The following NBEAL1 variants were observed in gnomAD, a reference collection of about 807,000 sequenced individuals.
The protein encoded by NBEAL1 is neurobeachin-like protein 1.
In NBEAL1, 273 loss-of-function variants were observed where a neutral mutation model predicts 351.3. The ratio of observed to expected loss-of-function variants is 0.78; its 90% CI spans 0.70 to 0.86. The LOEUF (loss-of-function observed/expected upper bound fraction) is 0.86, where lower values mean the gene tolerates loss of function less well. NBEAL1 is among the 40% of genes least tolerant of loss of function. The pLI, the probability that NBEAL1 is intolerant of heterozygous loss-of-function variation, is 0.00. For missense variants in NBEAL1, 2,961 were observed against 3,201.3 expected, an observed-to-expected ratio of 0.92 and a Z score of 1.81; for synonymous variants, 1,050 against 1,086.4, an observed-to-expected ratio of 0.97 and a Z score of 0.66.
chr2:203,110,419 TC>T, intron 15 of NBEAL1, 137 bp downstream of exon 15: 1 of 869,802 alleles, frequency 1.1e-6, no homozygotes, highest in Non-Finnish European at 1.7e-6. Flanking sequence ...CTGTACGTAA[TC>T]CCAGCACTTT....
intron 42 of NBEAL1, among the ~76,000 whole-genome samples, chr2:203,177,472 C>T (rs528731542): frequency 6.6e-6 from 1 of 151,760 alleles, no homozygotes; most frequent in African/African-American, 2.4e-5. Context: ...ATAAACATTT[C>T]TTCAAAGGAG....
At chr2:203,110,031 T>C in intron 14 of NBEAL1, 119 bp from the exon 15 acceptor site, 2 of 996,350 alleles carry the variant, frequency 2.0e-6, no homozygotes, top group Non-Finnish European at 1.4e-6. Context: ...GGCAATAGAA[T>C]TTAAGCCACA....
chr2:203,074,398 GCTCACTGCAGCCTCCGC>G (rs894183707), intron 7 of NBEAL1, among the ~76,000 whole-genome samples: 2 of 145,748 alleles, frequency 1.4e-5, no homozygotes, highest in Admixed American at 7.1e-5. Flanking sequence ...CACGATCTTG[GCTCACTGCAGCCTCCGC>G]CTCCCGGGTT....
intron 23 of NBEAL1, among the ~76,000 whole-genome samples, chr2:203,127,316 TAACTC>T (rs1373886005): frequency 2.0e-5 from 3 of 152,256 alleles, no homozygotes; most frequent in Admixed American, 2.0e-4. Flanking sequence ...CTGAAACTCT[TAACTC>T]AGAAGATTTT....
In NBEAL1 at chr2:203,152,995, G is replaced by A. The variant is rs1390157090; in HGVS notation, c.5587+1406G>A. Among the ~76,000 whole-genome samples, 5 of 151,930 alleles carry A rather than the reference G, an allele frequency of 3.3e-5. No individual in the cohort carries two copies. The East Asian group carries it at 5.8e-4, about 18-fold the overall frequency. ...AGAGGTGGCAGTGAGCTGATATCGC[G>A]TCTTTGCACTCCAGCCTGGGTGACA... On this transcript the variant is annotated intron_variant, in intron 35 of 55. Transcript: ENST00000683969.
At position 203,126,884 on chromosome 2, in the gene NBEAL1, A is replaced by G; in HGVS notation, c.3206A>G (p.Tyr1069Cys). 6.4e-7 allele frequency: 1 copy of G among 1,552,942 alleles called. No individual in the cohort carries two copies. Among genetic ancestry groups the G allele is most frequent in the Non-Finnish European group, 8.7e-7 (1 of 1,147,126 alleles). ...AGCAGGAGAGTTTTCCGAAAGAAGTATGGTGTGCAGTTTCTCCTAGATACA... is the reference window on the plus strand; with the variant it reads ...AGCAGGAGAGTTTTCCGAAAGAAGTGTGGTGTGCAGTTTCTCCTAGATACA... ...KDSRRVFRKK[Y>C]GVQFLLDTLR... The change falls in exon 23 of 56, where the codon TAT becomes TGT. Residue 1069 changes from tyrosine to cysteine, a missense_variant. Transcript: ENST00000683969.
intron 36 of NBEAL1, among the ~76,000 whole-genome samples, chr2:203,158,853 T>C: frequency 7.6e-6 from 1 of 131,258 alleles, no homozygotes; most frequent in South Asian, 2.8e-4. Flanking sequence ...AGGATCTCGC[T>C]GTGTCACCTC....
chr2:203,206,771 A>G (rs1455475553), intron 51 of NBEAL1, among the ~76,000 whole-genome samples: 1 of 151,672 alleles, frequency 6.6e-6, no homozygotes, highest in Non-Finnish European at 1.5e-5. Flanking sequence ...GCTCGGTACA[A>G]CATCCACCTC....
Position 203,016,177 on chromosome 2 carries a change from C to A in NBEAL1, c.-208C>A. ...ACAGATTTATTTAATTGCCCAACTACCACTGATGAAGATATATTGGAGTGA... is the reference window on the plus strand; with the variant it reads ...ACAGATTTATTTAATTGCCCAACTAACACTGATGAAGATATATTGGAGTGA... On this transcript the variant is annotated 5_prime_UTR_variant, in exon 2 of 56. Coordinates refer to ENST00000683969, the MANE Select transcript of NBEAL1 (RefSeq NM_001378026.1). 1 of 374,796 alleles carries A rather than the reference C, an allele frequency of 2.7e-6. No homozygotes were observed. Among genetic ancestry groups the A allele is most frequent in the African/African-American group, 2.1e-5 (1 of 48,166 alleles). The allele number at this position is 374,796 out of a possible 1,614,324, so 23.2% of individuals were successfully genotyped here.
At chr2:203,152,257 C>A (rs2063675482) in intron 35 of NBEAL1, among the ~76,000 whole-genome samples, 1 of 151,136 alleles carries the variant, frequency 6.6e-6, no homozygotes, top group Non-Finnish European at 1.5e-5. Context: ...CGCACCCAGC[C>A]ATAATTCTTA....
chr2:203,068,213 AT>A (rs1262425140), intron 6 of NBEAL1, among the ~76,000 whole-genome samples, 179 bp from the exon 7 acceptor site: 13 of 152,302 alleles, frequency 8.5e-5, no homozygotes, highest in African/African-American at 2.6e-4. Context: ...AAATCTGTTA[AT>A]TGATGAACAG....
rs1447580713 is a variant in NBEAL1, at chr2:203,222,736, C to T, written c.*5382C>T. 1.3e-5 allele frequency among the ~76,000 whole-genome samples: 2 copies of T among 151,040 alleles called. No individual in the cohort carries two copies. The highest frequency in any genetic ancestry group is 3.0e-5 in the Non-Finnish European group (2 of 67,476). ...AGAAGAAAAAAACATGACTAACATG[C>T]TAAATTTAAAACATAAAAGTAGATC... On this transcript the variant is annotated 3_prime_UTR_variant, in exon 56 of 56. Transcript: ENST00000683969.
intron 7 of NBEAL1, 109 bp downstream of exon 7, chr2:203,068,584 A>G: frequency 1.7e-6 from 1 of 582,896 alleles, no homozygotes; most frequent in South Asian, 3.6e-5. Context: ...TTATAAAATA[A>G]TGGTTGTAAG....
intron 36 of NBEAL1, among the ~76,000 whole-genome samples, chr2:203,159,298 A>C (rs1285221144): frequency 6.6e-6 from 1 of 152,152 alleles, no homozygotes; most frequent in African/African-American, 2.4e-5. Flanking sequence ...TTGTGCAACC[A>C]TCCCTACTAT....
rs2062606315 is a variant in NBEAL1, at chr2:203,112,960, T to A, written c.2203-55T>A. On this transcript the variant is annotated intron_variant, in intron 16 of 55. Transcript: ENST00000683969. ...ACTATTTTATTGTGTAATTTTATGT[T>A]AAATATGAGGATATATGTTAATTAA... 6 of 1,334,056 alleles carry A rather than the reference T, an allele frequency of 4.5e-6. No individual in the cohort carries two copies. In the Middle Eastern group the frequency reaches 5.7e-4, roughly 127 times the overall value. 82.6% of individuals were successfully genotyped at this position (1,334,056 alleles called of 1,614,324 possible).
At chr2:203,190,681 G>T in intron 46 of NBEAL1, 3 of 216,388 alleles carry the variant, frequency 1.4e-5, no homozygotes, top group Non-Finnish European at 1.5e-5. Flanking sequence ...CCAGTCTTAA[G>T]AATCAAATTG....
Position 203,208,743 on chromosome 2 carries a change from C to A in NBEAL1, c.7613C>A (p.Ser2538Ter), listed in dbSNP as rs2065684179. The change falls in exon 52 of 56, where the codon TCA (serine) becomes TAA (stop). Residue 2538 changes from serine (S) to a stop codon, truncating the protein, a stop_gained. Transcript: ENST00000683969. LOFTEE classifies it high-confidence loss of function. Reference protein sequence around the residue: ...GISTELDMAVSGSRDGTVIIH... With the variant: ...GISTELDMAV Reference sequence around the variant, plus strand: ...AGCACTGAGCTAGACATGGCAGTGTCAGGATCAAGGGTAAGATTTCACCTT... The same window carrying A: ...AGCACTGAGCTAGACATGGCAGTGTAAGGATCAAGGGTAAGATTTCACCTT... 1 of 1,592,246 alleles carries A rather than the reference C, an allele frequency of 6.3e-7. No homozygotes were observed. Among genetic ancestry groups the A allele is most frequent in the South Asian group, 1.2e-5 (1 of 86,692 alleles).
At chr2:203,117,601 CTT>C (rs2062729461) in intron 18 of NBEAL1, among the ~76,000 whole-genome samples, 1 of 152,128 alleles carries the variant, frequency 6.6e-6, no homozygotes, top group African/African-American at 2.4e-5. Flanking sequence ...GTTCTTTTGT[CTT>C]TTTTTCCTCA....
intron 48 of NBEAL1, 96 bp downstream of exon 48, chr2:203,197,487 G>A: frequency 1.2e-6 from 1 of 813,494 alleles, no homozygotes; most frequent in Non-Finnish European, 2.0e-6. Context: ...GCCACTTTTT[G>A]GCTGTGCATG....
Sources: allele counts gnomAD v4.1 joint callset (sites outside exome capture counted in the v4.1 genomes callset), GRCh38; gene constraint gnomAD v4.1.1; transcripts MANE v1.5; gene names NCBI Gene and HGNC (gene_info 2026-07-23, HGNC 2026-07-21).